Variants in RANBP17 observed in about 807,000 individuals in gnomAD.
The protein encoded by RANBP17 is ran-binding protein 17.
RANBP17 carries 158 observed loss-of-function variants against 141.2 expected under a neutral mutation model. The observed-to-expected ratio is 1.12, with a 90% CI of 0.98 to 1.28. The LOEUF (loss-of-function observed/expected upper bound fraction) is 1.28. RANBP17 is among the 50% of genes most tolerant of loss of function. The pLI, the probability that RANBP17 is intolerant of heterozygous loss-of-function variation, is 0.00. For missense variants in RANBP17, 1,438 were observed against 1,290.7 expected, an observed-to-expected ratio of 1.11 and a Z score of -1.75; for synonymous variants, 430 against 450.0, an observed-to-expected ratio of 0.96 and a Z score of 0.56.
chr5:171,121,277 A>C (rs2127773373), intron 14 of RANBP17, among the ~76,000 whole-genome samples: 1 of 152,314 alleles, frequency 6.6e-6, no homozygotes, highest in South Asian at 2.1e-4. Context: ...ACATGGGTGC[A>C]TAACTGCTCC....
At chr5:171,002,836 T>A (rs1211488535) in intron 14 of RANBP17, among the ~76,000 whole-genome samples, 1 of 152,090 alleles carries the variant, frequency 6.6e-6, no homozygotes, top group Non-Finnish European at 1.5e-5. Flanking sequence ...GAATGTCAGG[T>A]GTATCAGAGA....
chr5:170,877,454 A>G (rs1461637206), intron 1 of RANBP17, among the ~76,000 whole-genome samples: 1 of 151,812 alleles, frequency 6.6e-6, no homozygotes, highest in Non-Finnish European at 1.5e-5. Flanking sequence ...TGTAGAGGGG[A>G]TTTTGCCATG....
At chr5:170,897,054 C>A in intron 5 of RANBP17, 1 of 879,606 alleles carries the variant, frequency 1.1e-6, no homozygotes. Flanking sequence ...AGGCAATAAG[C>A]AGCTTCCTTA....
At chr5:170,959,733 CTAG>C (rs1775999762) in intron 13 of RANBP17, among the ~76,000 whole-genome samples, 1 of 152,010 alleles carries the variant, frequency 6.6e-6, no homozygotes, top group Admixed American at 6.6e-5. Flanking sequence ...ACAAAGGAAG[CTAG>C]AGAAAAGAAA....
chr5:171,162,082 CT>C (rs895266748), intron 14 of RANBP17, among the ~76,000 whole-genome samples: 1 of 152,186 alleles, frequency 6.6e-6, no homozygotes, highest in African/African-American at 2.4e-5. Context: ...AAATCCTCTA[CT>C]AAAATTAAGC....
intron 24 of RANBP17, among the ~76,000 whole-genome samples, chr5:171,244,877 G>A (rs181280494): frequency 6.4e-4 from 98 of 152,214 alleles, no homozygotes; most frequent in African/African-American, 2.3e-3. Context: ...TGTAATCCCA[G>A]CACTTTGGGA....
At chr5:171,012,488 A>T (rs746716125) in intron 14 of RANBP17, among the ~76,000 whole-genome samples, 1 of 152,088 alleles carries the variant, frequency 6.6e-6, no homozygotes, top group Non-Finnish European at 1.5e-5. Flanking sequence ...GTTATTGTAC[A>T]TTTCCTAGGA....
intron 14 of RANBP17, among the ~76,000 whole-genome samples, chr5:171,098,250 C>G (rs185104555): frequency 3.0e-4 from 45 of 151,910 alleles, no homozygotes; most frequent in African/African-American, 1.1e-3. Context: ...TACACTCTCA[C>G]TAACATTATA....
At chr5:171,244,790 C>A (rs1461085917) in intron 24 of RANBP17, among the ~76,000 whole-genome samples, 1 of 151,888 alleles carries the variant, frequency 6.6e-6, no homozygotes, top group East Asian at 1.9e-4. Flanking sequence ...TCCATTTTCC[C>A]CTCATCAGGT....
Position 171,162,000 on chromosome 5 carries a change from T to C in RANBP17, c.1711-8130T>C, listed in dbSNP as rs111455002. Among the ~76,000 whole-genome samples the C allele has an allele frequency of 9.4e-3, 1,426 of 152,328 alleles. 17 individuals are homozygous for C. Among genetic ancestry groups the C allele is most frequent in the Non-Finnish European group, 0.013 (907 of 68,036 alleles). On this transcript the variant is annotated intron_variant, in intron 14 of 27. Coordinates refer to ENST00000523189, the MANE Select transcript of RANBP17 (RefSeq NM_022897.5). ...GCCCTAAAATTTAATCGTCATCTTA[T>C]AAACTTGCTATTGCAAAGAATTATA...
At chr5:171,035,506 C>A (rs1415332098) in intron 14 of RANBP17, among the ~76,000 whole-genome samples, 2 of 148,150 alleles carry the variant, frequency 1.3e-5, no homozygotes, top group Non-Finnish European at 3.0e-5. Context: ...CATGTTAACC[C>A]GATCATGTAT....
At chr5:171,116,408 G>A (rs1023382595) in intron 14 of RANBP17, among the ~76,000 whole-genome samples, 8 of 152,188 alleles carry the variant, frequency 5.3e-5, no homozygotes, top group African/African-American at 1.9e-4. Flanking sequence ...GAAGGACGGG[G>A]AGAAGTATTC....
At chr5:171,259,091 A>C (rs1766115414) in intron 24 of RANBP17, among the ~76,000 whole-genome samples, 1 of 152,326 alleles carries the variant, frequency 6.6e-6, no homozygotes, top group Non-Finnish European at 1.5e-5. Flanking sequence ...AAGAAGATAT[A>C]CAAACAGCCA....
At chr5:171,261,502 C>G (rs993981579) in intron 24 of RANBP17, among the ~76,000 whole-genome samples, 7 of 152,156 alleles carry the variant, frequency 4.6e-5, no homozygotes, top group African/African-American at 1.7e-4. Context: ...CTTCCTGATT[C>G]TCAGTTAAGC....
chr5:170,954,956 C>T (rs1775501499), intron 13 of RANBP17, among the ~76,000 whole-genome samples: 1 of 152,158 alleles, frequency 6.6e-6, no homozygotes. Flanking sequence ...GGATTACTGC[C>T]TGAGCTCCGC....
At chr5:171,038,410 ACTT>A (rs1259354230) in intron 14 of RANBP17, among the ~76,000 whole-genome samples, 9 of 151,698 alleles carry the variant, frequency 5.9e-5, no homozygotes, top group African/African-American at 9.7e-5. Flanking sequence ...AGATAGTTTG[ACTT>A]CTTTTCCTAT....
intron 22 of RANBP17, among the ~76,000 whole-genome samples, chr5:171,227,479 G>C (rs1763947733): frequency 1.3e-5 from 2 of 152,224 alleles, no homozygotes. Flanking sequence ...GCTAGCAGAG[G>C]TTGGTTCATG....
intron 24 of RANBP17, among the ~76,000 whole-genome samples, chr5:171,257,901 T>G (rs1581132991): frequency 6.7e-6 from 1 of 149,034 alleles, no homozygotes; most frequent in Non-Finnish European, 1.5e-5. Flanking sequence ...AGGTCGGGAG[T>G]TCAAGACCAG....
At chr5:170,901,941 T>G (rs4458585) in intron 5 of RANBP17, among the ~76,000 whole-genome samples, 91,089 of 151,674 alleles carry the variant, frequency 0.6, 29,040 homozygotes, top group South Asian at 0.89. Context: ...TTTCTCTCTG[T>G]CTGCCCTTAA....
Sources: gnomAD v4.1 joint callset for allele counts (sites outside exome capture counted in the v4.1 genomes callset) on GRCh38, gnomAD v4.1.1 for gene constraint, MANE v1.5 for transcripts, NCBI Gene and HGNC (gene_info 2026-07-23, HGNC 2026-07-21) for gene names.